TMEM59L: variants seen among roughly 807,000 people sequenced by gnomAD.
TMEM59L encodes the protein transmembrane protein 59 like, also known as transmembrane protein 59-like.
A neutral mutation model predicts 39.6 loss-of-function variants in TMEM59L; 31 were observed. The observed-to-expected ratio is 0.78, with a 90% confidence interval of 0.59 to 1.06. The LOEUF (loss-of-function observed/expected upper bound fraction) is 1.06. Among genes scored for constraint, TMEM59L ranks in the 50% least tolerant of loss-of-function variants. TMEM59L has a pLI of 0.00. For missense variants in TMEM59L, 441 were observed against 451.3 expected, an observed-to-expected ratio of 0.98 and a Z score of 0.21; for synonymous variants, 219 against 202.9, an observed-to-expected ratio of 1.08 and a Z score of -0.68.
At chr19:18,616,866 C>T (rs1976433334) in intron 4 of TMEM59L, 134 bp from the exon 5 acceptor site, 2 of 689,430 alleles carry the variant, frequency 2.9e-6, no homozygotes, top group South Asian at 3.5e-5. Flanking sequence ...ACATCCCTGA[C>T]ATCAAGCCCA....
chr19:18,618,021 G>T, intron 5 of TMEM59L, 134 bp from the exon 6 acceptor site: 1 of 714,536 alleles, frequency 1.4e-6, no homozygotes, highest in South Asian at 1.7e-5. Context: ...AGCATTCTGT[G>T]GTCCATCTCC....
In TMEM59L at chr19:18,618,411, C is replaced by T. The variant is rs755861084; in HGVS notation, c.819C>T (p.Cys273=). The T allele has an allele frequency of 5.6e-6, 9 of 1,607,644 alleles. No individual in the cohort carries two copies. The African/African-American group carries it at 1.2e-4, about 22-fold the overall frequency. ...SGLPRWILAC[C]LFLSVLVMLW... ...TGCCTCGCTGGATCCTGGCCTGCTG[C>T]CTCTTCCTCTCCGTGCTGGTGATGC... Residue 273 remains cysteine (C), a synonymous_variant, in exon 7 of 8, where the codon TGC becomes TGT. Coordinates refer to ENST00000262817, the MANE Select transcript of TMEM59L (RefSeq NM_012109.3).
intron 1 of TMEM59L, among the ~76,000 whole-genome samples, 179 bp from the exon 2 acceptor site, chr19:18,613,693 C>T (rs1187404381): frequency 6.6e-6 from 1 of 152,188 alleles, no homozygotes; most frequent in African/African-American, 2.4e-5. Context: ...CTCCCCATCT[C>T]CCTCCTCAGA....
chr19:18,615,663 A>G (rs1046757069), intron 3 of TMEM59L, among the ~76,000 whole-genome samples: 3 of 152,212 alleles, frequency 2.0e-5, no homozygotes, highest in Non-Finnish European at 4.4e-5. Flanking sequence ...GCTAGAGTTC[A>G]GTGGTGTGAT....
intron 5 of TMEM59L, 21 bp from the exon 6 acceptor site, chr19:18,618,133 TG>T: frequency 6.3e-7 from 1 of 1,586,600 alleles, no homozygotes. Context: ...TGGTGGTCGC[TG>T]AGTGGCAGCT....
intron 5 of TMEM59L, 86 bp downstream of exon 5, chr19:18,617,188 C>T (rs749944441): frequency 2.0e-6 from 2 of 994,204 alleles, no homozygotes; most frequent in East Asian, 2.4e-5. Context: ...CTTCTAGGAT[C>T]GGGATCTCCA....
Position 18,620,437 on chromosome 19 carries a change from C to G in TMEM59L, c.930C>G (p.Phe310Leu). ...QPLTLEQHKG[F>L]MMEPDWPLYP... is the part of the protein sequence containing the mutation. ...TGACCCTGGAGCAGCACAAGGGCTT[C>G]ATGATGGAGCCCGATTGGCCCCTGT... is the stretch of plus-strand genomic sequence containing the variant. The change falls in exon 8 of 8, where the codon TTC becomes TTG. Residue 310 changes from phenylalanine to leucine, a missense_variant. Phe to Leu is a conservative substitution (Grantham distance 22, BLOSUM62 0). Coordinates refer to ENST00000262817, the MANE Select transcript of TMEM59L (RefSeq NM_012109.3). 1.2e-6 allele frequency: 2 copies of G among 1,613,454 alleles called. No individual in the cohort carries two copies. Among genetic ancestry groups the G allele is most frequent in the Non-Finnish European group, 1.7e-6 (2 of 1,179,970 alleles).
chr19:18,618,187 G>A lies in TMEM59L; in HGVS notation c.697G>A (p.Ala233Thr). 1 of 1,613,108 alleles carries A rather than the reference G, an allele frequency of 6.2e-7. No homozygotes were observed. The highest frequency in any genetic ancestry group is 8.5e-7 in the Non-Finnish European group (1 of 1,179,682). ...AGGCCCCCTGGACAAGGTGAGGAAG[G>A]CCAAGATCCGAGTCAAGACCAGCAG... ...PVGPLDKVRKAKIRVKTSSKA... is the reference protein window; with the variant it reads ...PVGPLDKVRKTKIRVKTSSKA... Residue 233 changes from alanine (A) to threonine (T), a missense_variant, in exon 6 of 8, where the codon GCC (alanine) becomes ACC (threonine). By Grantham distance (58) the Ala-to-Thr change is moderately conservative (BLOSUM62 0). Coordinates refer to ENST00000262817, the MANE Select transcript of TMEM59L (RefSeq NM_012109.3).
In TMEM59L at chr19:18,620,680, G is replaced by C; in HGVS notation, c.*144G>C. 7.9e-7 allele frequency: 1 copy of C among 1,261,896 alleles called. No individual in the cohort carries two copies. Among genetic ancestry groups the C allele is most frequent in the Non-Finnish European group, 1.0e-6 (1 of 954,446 alleles). 78.2% of individuals were successfully genotyped at this position (1,261,896 alleles called of 1,614,324 possible). On this transcript the variant is annotated 3_prime_UTR_variant, in exon 8 of 8. Transcript: ENST00000262817. ...TCCTCTCCTCCCAGTCCCACCCCTTGCCCCACGGAGTCCTGGGGACGCAGT... is the reference window on the plus strand; with the variant it reads ...TCCTCTCCTCCCAGTCCCACCCCTTCCCCCACGGAGTCCTGGGGACGCAGT...
chr19:18,613,168 G>A (rs1174379865), intron 1 of TMEM59L, 39 bp downstream of exon 1: 6 of 1,258,830 alleles, frequency 4.8e-6, no homozygotes, highest in Non-Finnish European at 5.0e-6. Flanking sequence ...CGGGGGACGC[G>A]GGATCTCTCC....
At chr19:18,620,020 C>CACAA (rs1976477630) in intron 7 of TMEM59L, among the ~76,000 whole-genome samples, 1 of 125,420 alleles carries the variant, frequency 8.0e-6, no homozygotes, top group Non-Finnish European at 1.7e-5. Context: ...CACACACACA[C>CACAA]AAAAGTCCAG....
At position 18,620,583 on chromosome 19, in the gene TMEM59L, C is replaced by A. The variant is rs755254059; in HGVS notation, c.*47C>A. 1.1e-5 allele frequency: 17 copies of A among 1,594,562 alleles called. No homozygotes were observed. The highest frequency in any genetic ancestry group is 1.5e-5 in the Non-Finnish European group (17 of 1,169,910). ...GCCAACTGCAGGGGGCCCCTCGGGC[C>A]TCACTTGCCCTGAGCCCAGGAGTCC... On this transcript the variant is annotated 3_prime_UTR_variant, in exon 8 of 8. Coordinates refer to ENST00000262817, the MANE Select transcript of TMEM59L (RefSeq NM_012109.3).
At chr19:18,613,812 C>A in intron 1 of TMEM59L, 60 bp from the exon 2 acceptor site, 2 of 1,338,072 alleles carry the variant, frequency 1.5e-6, no homozygotes, top group Non-Finnish European at 2.1e-6. Context: ...ATGCTCCGGT[C>A]CCCCCACCCT....
intron 5 of TMEM59L, 42 bp downstream of exon 5, chr19:18,617,144 C>T (rs773455221): frequency 2.2e-5 from 33 of 1,496,130 alleles, no homozygotes; most frequent in Non-Finnish European, 3.1e-5. Context: ...ATGGGTGGCC[C>T]CACTGCCACA....
At position 18,612,938 on chromosome 19, in the gene TMEM59L, C is replaced by G. The variant is rs982892736; in HGVS notation, c.-21C>G. 5 of 1,291,576 alleles carry G rather than the reference C, an allele frequency of 3.9e-6. No individual in the cohort carries two copies. The African/African-American group carries it at 6.2e-5, about 16-fold the overall frequency. The allele number at this position is 1,291,576 out of a possible 1,614,324, so 80.0% of individuals were successfully genotyped here. ...CCGGCCTGAGCTGGAGTCCCCCGCG[C>G]CCCCCGCGTTCCGCCCGGCCATGGC... On this transcript the variant is annotated 5_prime_UTR_variant, in exon 1 of 8. Coordinates refer to ENST00000262817, the MANE Select transcript of TMEM59L (RefSeq NM_012109.3). The surrounding 1 kb of genome is among the most constrained non-coding windows in gnomAD (Gnocchi z 6.2).
At position 18,612,988 on chromosome 19, in the gene TMEM59L, G is replaced by C. The variant is rs534023153; in HGVS notation, c.30G>C (p.Pro10=). 1 of 1,330,582 alleles carries C rather than the reference G, an allele frequency of 7.5e-7. No individual in the cohort carries two copies. Among genetic ancestry groups the C allele is most frequent in the East Asian group, 3.2e-5 (1 of 31,696 alleles). 82.4% of individuals were successfully genotyped at this position (1,330,582 alleles called of 1,614,324 possible). MAAVALMPP[P]LLLLLLLASP... is the part of the protein sequence containing the mutation. ...CTGCGGTGGCGCTGATGCCACCGCC[G>C]CTGCTGCTGCTGCTGCTGTTGGCGT... is the stretch of plus-strand genomic sequence containing the variant. The change falls in exon 1 of 8, where the codon CCG becomes CCC. Residue 10 remains proline, a synonymous_variant. Coordinates refer to ENST00000262817, the MANE Select transcript of TMEM59L (RefSeq NM_012109.3). This position sits in a 1 kb window ranked among gnomAD's most constrained non-coding sequence, Gnocchi z 6.2.
In TMEM59L at chr19:18,613,839, A is replaced by G. The variant is rs757586750; in HGVS notation, c.172-33A>G. 4.0e-6 allele frequency: 5 copies of G among 1,263,854 alleles called. No homozygotes were observed. The South Asian group carries it at 5.0e-5, about 13-fold the overall frequency. 78.3% of individuals were successfully genotyped at this position (1,263,854 alleles called of 1,614,324 possible). ...CCCCACCCTCCTCCTGCCCCTCCCC[A>G]TGGCCTGAGCCCCCTGTCCTCCCCT... is the stretch of plus-strand genomic sequence containing the variant. On this transcript the variant is annotated intron_variant, in intron 1 of 7. Coordinates refer to ENST00000262817, the MANE Select transcript of TMEM59L (RefSeq NM_012109.3).
rs539279177 is a variant in TMEM59L, at chr19:18,620,758, T to C, written c.*222T>C. ...GGCACTGGTTCCTCCTTGTCCCCGC[T>C]TTCTTGGGGGCTTGCTACTTTTTGT... On this transcript the variant is annotated 3_prime_UTR_variant, in exon 8 of 8. Coordinates refer to ENST00000262817, the MANE Select transcript of TMEM59L (RefSeq NM_012109.3). The C allele has an allele frequency of 2.0e-6, 1 of 508,856 alleles. No individual in the cohort carries two copies. The highest frequency in any genetic ancestry group is 3.3e-6 in the Non-Finnish European group (1 of 305,672). 31.5% of individuals were successfully genotyped at this position (508,856 alleles called of 1,614,324 possible).
chr19:18,616,272 C>T (rs1976426597), intron 4 of TMEM59L, 145 bp downstream of exon 4: 2 of 903,030 alleles, frequency 2.2e-6, no homozygotes, highest in African/African-American at 1.7e-5. Flanking sequence ...CTCAGTGTCT[C>T]ACTCCATGCC....
Sources: gnomAD v4.1 joint callset for allele counts (sites outside exome capture counted in the v4.1 genomes callset) on GRCh38, gnomAD v4.1.1 for gene constraint, Gnocchi (gnomAD v3.1) non-coding constraint, MANE v1.5 for transcripts, NCBI Gene and HGNC (gene_info 2026-07-23, HGNC 2026-07-21) for gene names.